GPC3: variants seen among roughly 807,000 people sequenced by gnomAD.
The protein encoded by GPC3 is glypican 3.
GPC3 carries 3 observed loss-of-function variants against 34.4 expected under a neutral mutation model. That is an observed-to-expected ratio of 0.09 (90% CI 0.04 to 0.23). GPC3 has a LOEUF of 0.23. Ranked by LOEUF, GPC3 falls within the 10% of genes least tolerant of loss-of-function variation. The pLI is 1.00. For synonymous variants in GPC3, 177 were observed against 174.0 expected, an observed-to-expected ratio of 1.02 and a Z score of -0.13; for missense variants, 351 against 445.6, an observed-to-expected ratio of 0.79 and a Z score of 1.91.
At chrX:133,978,900 C>T (rs754433853) in intron 1 of GPC3, among the ~76,000 whole-genome samples, 2 of 111,721 alleles carry the variant, frequency 1.8e-5, no homozygotes, top group Non-Finnish European at 3.8e-5. Flanking sequence ...TCTAATTTTC[C>T]AGTAATAAAC....
intron 2 of GPC3, among the ~76,000 whole-genome samples, chrX:133,897,091 A>G (rs1301567069): frequency 9.2e-6 from 1 of 108,316 alleles, no homozygotes; most frequent in Non-Finnish European, 1.9e-5. Flanking sequence ...TATTTTTAGT[A>G]GAGACAGGGT....
At chrX:133,650,003 G>A (rs2070581870) in intron 6 of GPC3, among the ~76,000 whole-genome samples, 1 of 111,851 alleles carries the variant, frequency 8.9e-6, no homozygotes, top group Non-Finnish European at 1.9e-5. Context: ...AGCTGAGAGT[G>A]ATGGTGTCTC....
intron 7 of GPC3, among the ~76,000 whole-genome samples, chrX:133,578,979 C>T (rs141961704): frequency 0.013 from 1,420 of 110,984 alleles, 9 homozygotes; most frequent in Non-Finnish European, 0.017. Context: ...AGAAGGCCCT[C>T]ATGATGTGAC....
At chrX:133,639,664 T>C (rs190815194) in intron 6 of GPC3, among the ~76,000 whole-genome samples, 34 of 111,056 alleles carry the variant, frequency 3.1e-4, no homozygotes, top group African/African-American at 1.1e-3. Context: ...CATGAAAACT[T>C]TGTAGGCCTG....
intron 2 of GPC3, among the ~76,000 whole-genome samples, chrX:133,776,132 G>T (rs2071976726): frequency 9.0e-6 from 1 of 111,717 alleles, no homozygotes; most frequent in Non-Finnish European, 1.9e-5. Context: ...TATTTTTATA[G>T]TTTATCTATT....
intron 2 of GPC3, among the ~76,000 whole-genome samples, chrX:133,937,339 T>C (rs988024364): frequency 2.7e-5 from 3 of 111,267 alleles, no homozygotes; most frequent in Non-Finnish European, 5.7e-5. Context: ...ACAAAGATAA[T>C]TGAAGCTATA....
At chrX:133,637,768 G>A (rs2070443595) in intron 6 of GPC3, among the ~76,000 whole-genome samples, 1 of 110,677 alleles carries the variant, frequency 9.0e-6, no homozygotes, top group South Asian at 4.0e-4. Context: ...TCAGCCTCTC[G>A]AGTAGCTGGG....
intron 6 of GPC3, among the ~76,000 whole-genome samples, chrX:133,618,593 C>T (rs1245498335): frequency 2.8e-5 from 3 of 107,591 alleles, no homozygotes; most frequent in Admixed American, 2.0e-4. Flanking sequence ...CCCAGCTACT[C>T]GGGAGGCTGA....
At chrX:133,554,437 G>A (rs1235464712) in intron 7 of GPC3, among the ~76,000 whole-genome samples, 1 of 110,185 alleles carries the variant, frequency 9.1e-6, no homozygotes, top group Non-Finnish European at 1.9e-5. Context: ...CAAAGAATTA[G>A]TATGTCAGTA....
At chrX:133,645,560 G>T (rs771953928) in intron 6 of GPC3, among the ~76,000 whole-genome samples, 19 of 111,655 alleles carry the variant, frequency 1.7e-4, no homozygotes, top group Non-Finnish European at 3.0e-4. Context: ...AGCTGCTGCT[G>T]TTCATCATTG....
At chrX:133,848,601 C>T (rs1248940948) in intron 2 of GPC3, among the ~76,000 whole-genome samples, 2 of 111,827 alleles carry the variant, frequency 1.8e-5, no homozygotes, top group Non-Finnish European at 3.8e-5. Flanking sequence ...TCTAGTGACA[C>T]TGATTAATTT....
intron 2 of GPC3, among the ~76,000 whole-genome samples, chrX:133,761,693 T>G (rs1318614999): frequency 8.9e-6 from 1 of 111,813 alleles, no homozygotes; most frequent in Non-Finnish European, 1.9e-5. Context: ...AAATGAGAAG[T>G]GAATAGCTCT....
intron 3 of GPC3, among the ~76,000 whole-genome samples, chrX:133,730,262 C>A (rs2071449697): frequency 8.9e-6 from 1 of 112,096 alleles, no homozygotes. Flanking sequence ...GAAATAGAAT[C>A]ATTCCTCATG....
chrX:133,691,558 A>G (rs1374100589), intron 5 of GPC3, among the ~76,000 whole-genome samples: 1 of 111,236 alleles, frequency 9.0e-6, no homozygotes, highest in Admixed American at 9.5e-5. Flanking sequence ...CAAATGCTCC[A>G]TAAAATATTT....
At chrX:133,641,213 C>T (rs1297134265) in intron 6 of GPC3, among the ~76,000 whole-genome samples, 4 of 110,807 alleles carry the variant, frequency 3.6e-5, no homozygotes, top group Non-Finnish European at 5.7e-5. Context: ...TGGTGGCTCA[C>T]GCCTGTAATC....
At chrX:133,646,421 G>A (rs1284238058) in intron 6 of GPC3, among the ~76,000 whole-genome samples, 2 of 111,920 alleles carry the variant, frequency 1.8e-5, no homozygotes, top group African/African-American at 3.3e-5. Context: ...GGGAAAGCAC[G>A]AGAAAGCTAT....
intron 2 of GPC3, among the ~76,000 whole-genome samples, chrX:133,946,894 C>T (rs1348236526): frequency 9.0e-6 from 1 of 111,139 alleles, no homozygotes; most frequent in Non-Finnish European, 1.9e-5. Context: ...ATACAGGTGC[C>T]TCAGTCCCTG....
chrX:133,701,483 T>C (rs924798992), intron 3 of GPC3, among the ~76,000 whole-genome samples: 9 of 112,007 alleles, frequency 8.0e-5, no homozygotes, highest in Non-Finnish European at 1.7e-4. Flanking sequence ...CATTCTCCAT[T>C]GTAGAAAAAT....
chrX:133,557,354 A>G (rs1267072810), intron 7 of GPC3, among the ~76,000 whole-genome samples: 1 of 111,625 alleles, frequency 9.0e-6, no homozygotes, highest in African/African-American at 3.3e-5. Context: ...AACAAACAGC[A>G]TTTTCAACAT....
Sources: allele counts gnomAD v4.1 joint callset (sites outside exome capture counted in the v4.1 genomes callset), GRCh38; gene constraint gnomAD v4.1.1; transcripts MANE v1.5; gene names NCBI Gene and HGNC (gene_info 2026-07-23, HGNC 2026-07-21).